Variants in MAK observed in about 807,000 individuals in gnomAD.
MAK encodes the protein male germ cell associated kinase.
MAK carries 65 observed loss-of-function variants against 82.6 expected under a neutral mutation model. That is an observed-to-expected ratio of 0.79 (90% CI 0.64 to 0.97). The LOEUF (loss-of-function observed/expected upper bound fraction) is 0.97, where lower values mean the gene tolerates loss of function less well. MAK is among the 50% of genes least tolerant of loss of function. MAK has a pLI of 0.00. For missense variants in MAK, 703 were observed against 780.2 expected, an observed-to-expected ratio of 0.90 and a Z score of 1.18; for synonymous variants, 250 against 274.2, an observed-to-expected ratio of 0.91 and a Z score of 0.87.
At chr6:10,784,857 G>A (rs1159680194) in intron 10 of MAK, 4 of 560,044 alleles carry the variant, frequency 7.1e-6, no homozygotes, top group South Asian at 1.5e-5. Flanking sequence ...TGCAACGGCT[G>A]CAGTTGGATT....
Position 10,796,043 on chromosome 6 carries a change from T to C in MAK, c.1098A>G (p.Lys366=). ...QQPPKQQSQE[K]PPQTLFPSIV... is the part of the protein sequence containing the mutation. ...TGCTCGGGAATAGCGTTTGTGGCGG[T>C]TTCTCCTGACTCTGTTGCTTTGGAG... is the stretch of plus-strand genomic sequence containing the variant. The change falls in exon 9 of 15, where the codon AAA becomes AAG. Residue 366 remains lysine, a synonymous_variant. Coordinates refer to ENST00000354489, the MANE Select transcript of MAK (RefSeq NM_001242957.3). 6.2e-7 allele frequency: 1 copy of C among 1,613,914 alleles called. No individual in the cohort carries two copies. The highest frequency in any genetic ancestry group is 8.5e-7 in the Non-Finnish European group (1 of 1,179,948).
At chr6:10,830,913 T>G in intron 1 of MAK, 36 bp from the exon 2 acceptor site, 1 of 429,664 alleles carries the variant, frequency 2.3e-6, no homozygotes, top group South Asian at 2.3e-5. Flanking sequence ...TGAATTTTCA[T>G]TAACAAGTCT....
At chr6:10,775,548 G>A in intron 11 of MAK, 89 bp from the exon 12 acceptor site, 1 of 1,351,658 alleles carries the variant, frequency 7.4e-7, no homozygotes, top group Non-Finnish European at 1.1e-6. Flanking sequence ...AAAGACTAGA[G>A]ACACCTTGGA....
intron 1 of MAK, among the ~76,000 whole-genome samples, chr6:10,834,076 C>T (rs1778995415): frequency 6.6e-6 from 1 of 152,116 alleles, no homozygotes; most frequent in Non-Finnish European, 1.5e-5. Flanking sequence ...AAAACATGGA[C>T]TAAAATATAT....
chr6:10,786,827 C>T (rs1774593298), intron 10 of MAK, among the ~76,000 whole-genome samples: 1 of 134,620 alleles, frequency 7.4e-6, no homozygotes, highest in African/African-American at 3.1e-5. Flanking sequence ...CTATTCACCA[C>T]TCCGCTAATT....
chr6:10,801,868 G>T (rs4712966), intron 8 of MAK, 24 bp downstream of exon 8: 1 of 1,607,712 alleles, frequency 6.2e-7, no homozygotes, highest in African/African-American at 1.3e-5. Flanking sequence ...ATTTTTAAAG[G>T]TCTAACAGGA....
In MAK at chr6:10,800,793, T is replaced by A. The variant is rs1392936662; in HGVS notation, c.831+1099A>T. 6.6e-6 allele frequency among the ~76,000 whole-genome samples: 1 copy of A among 152,122 alleles called. No homozygotes were observed. Among genetic ancestry groups the A allele is most frequent in the East Asian group, 1.9e-4 (1 of 5,196 alleles). ...AGGCAGAGGTTGCGGTGAGCCGAGA[T>A]CATGCCATTGCACTCCAGCCTGGGC... is the stretch of plus-strand genomic sequence containing the variant. On this transcript the variant is annotated intron_variant, in intron 8 of 14. Transcript: ENST00000354489. The surrounding 1 kb of genome is among the most constrained non-coding windows in gnomAD (Gnocchi z 4.2).
chr6:10,837,378 T>C (rs1029200059), intron 1 of MAK, among the ~76,000 whole-genome samples: 2 of 152,184 alleles, frequency 1.3e-5, no homozygotes, highest in Admixed American at 6.5e-5. Flanking sequence ...TCAAAGCTTA[T>C]ACACAAAAAA....
chr6:10,789,812 C>G (rs1221445874), intron 10 of MAK, among the ~76,000 whole-genome samples: 1 of 152,142 alleles, frequency 6.6e-6, no homozygotes, highest in Non-Finnish European at 1.5e-5. Flanking sequence ...CCCGCCACCA[C>G]ACCCAGCTAA....
At chr6:10,795,686 G>A (rs1775483141) in intron 9 of MAK, among the ~76,000 whole-genome samples, 1 of 152,180 alleles carries the variant, frequency 6.6e-6, no homozygotes, top group Non-Finnish European at 1.5e-5. Flanking sequence ...AGAGATTGCA[G>A]TGAGCTAAGG....
At chr6:10,784,838 T>C (rs1263598534) in intron 10 of MAK, 2 of 600,882 alleles carry the variant, frequency 3.3e-6, no homozygotes, top group Non-Finnish European at 3.1e-6. Flanking sequence ...AACATGTTTC[T>C]ATCTGTCCTG....
intron 2 of MAK, among the ~76,000 whole-genome samples, chr6:10,824,253 C>A (rs1778186044): frequency 6.6e-6 from 1 of 152,222 alleles, no homozygotes; most frequent in African/African-American, 2.4e-5. Context: ...CTCTGTCTTA[C>A]CACAGTTACC....
In MAK at chr6:10,837,080, A is replaced by T. The variant is rs1327644738; in HGVS notation, c.-230+1423T>A. ...AAAGAGGGCAAATGAAGGGTAAAACAAGCGTCTGCCAAAAACTGAAGAGAT... is the reference window on the plus strand; with the variant it reads ...AAAGAGGGCAAATGAAGGGTAAAACTAGCGTCTGCCAAAAACTGAAGAGAT... On this transcript the variant is annotated intron_variant, in intron 1 of 14. Coordinates refer to ENST00000354489, the MANE Select transcript of MAK (RefSeq NM_001242957.3). Among the ~76,000 whole-genome samples the T allele has an allele frequency of 3.3e-5, 5 of 152,344 alleles. No homozygotes were observed. The East Asian group carries it at 9.6e-4, about 29-fold the overall frequency.
At position 10,813,662 on chromosome 6, in the gene MAK, C is replaced by A; in HGVS notation, c.340G>T (p.Ala114Ser). The part of the protein sequence containing the change: ...NIMYQILQGL[A>S]FIHKHGFFHR... ...AACCTACCATGTTTATGGATAAAAG[C>A]CAGCCCTTGCAATATTTGATACATA... is the stretch of plus-strand genomic sequence containing the variant. The change falls in exon 5 of 15, where the codon GCT becomes TCT. Residue 114 changes from alanine (A) to serine (S), a missense_variant. Transcript: ENST00000354489. 1 of 1,600,338 alleles carries A rather than the reference C, an allele frequency of 6.2e-7. No homozygotes were observed. Among genetic ancestry groups the A allele is most frequent in the Non-Finnish European group, 8.6e-7 (1 of 1,167,700 alleles).
At chr6:10,830,469 G>A in intron 2 of MAK, 79 bp downstream of exon 2, 1 of 1,201,692 alleles carries the variant, frequency 8.3e-7, no homozygotes, top group Non-Finnish European at 1.2e-6. Flanking sequence ...GGCCTGTGCT[G>A]GTATATATTC....
intron 11 of MAK, among the ~76,000 whole-genome samples, chr6:10,778,460 A>G (rs1254661644): frequency 6.6e-6 from 1 of 152,184 alleles, no homozygotes. Context: ...TTGCAATCAG[A>G]CCTTGGCGAT....
At chr6:10,773,861 T>G (rs536812679) in intron 12 of MAK, among the ~76,000 whole-genome samples, 4 of 152,070 alleles carry the variant, frequency 2.6e-5, no homozygotes, top group African/African-American at 4.8e-5. Context: ...CTGGATTTTT[T>G]TTTGTGTGTG....
chr6:10,817,933 C>T lies in MAK; in HGVS notation c.195G>A (p.Leu65=). ...GGTCATTTTCTCTGATAACTTCTTTCAATTTAATAACATTGGCATGATTAA... is the reference window on the plus strand; with the variant it reads ...GGTCATTTTCTCTGATAACTTCTTTTAATTTAATAACATTGGCATGATTAA... The part of the protein sequence containing the change: ...KKLNHANVIK[L]KEVIRENDHL... Residue 65 remains leucine, a synonymous_variant, in exon 4 of 15, where the codon TTG becomes TTA. Coordinates refer to ENST00000354489, the MANE Select transcript of MAK (RefSeq NM_001242957.3). 7.1e-7 allele frequency: 1 copy of T among 1,417,814 alleles called. No individual in the cohort carries two copies. The highest frequency in any genetic ancestry group is 1.2e-5 in the South Asian group (1 of 85,466). The allele number at this position is 1,417,814 out of a possible 1,614,324, so 87.8% of individuals were successfully genotyped here. A position where few individuals can be genotyped will look rare whatever the true frequency, so the allele number is the denominator to read the frequency against.
intron 4 of MAK, among the ~76,000 whole-genome samples, chr6:10,814,390 C>T (rs752833641): frequency 3.8e-4 from 58 of 151,786 alleles, no homozygotes; most frequent in Non-Finnish European, 1.9e-4. Flanking sequence ...GAGAGATGGC[C>T]GGATGTGGTG....
Sources: gnomAD v4.1 joint callset for allele counts (sites outside exome capture counted in the v4.1 genomes callset) on GRCh38, gnomAD v4.1.1 for gene constraint, Gnocchi (gnomAD v3.1) non-coding constraint, MANE v1.5 for transcripts, NCBI Gene and HGNC (gene_info 2026-07-23, HGNC 2026-07-21) for gene names.